NGRN: variants seen among roughly 807,000 people sequenced by gnomAD.
The protein encoded by NGRN is neugrin.
In NGRN, 12 loss-of-function variants were observed where a neutral mutation model predicts 13.1. The ratio of observed to expected loss-of-function variants is 0.92; its 90% confidence interval spans 0.59 to 1.49. The LOEUF (loss-of-function observed/expected upper bound fraction) is 1.49, where lower values mean the gene tolerates loss of function less well. NGRN is among the 40% of genes most tolerant of loss of function. NGRN has a pLI of 0.00. For synonymous variants in NGRN, 149 were observed against 145.8 expected, an observed-to-expected ratio of 1.02 and a Z score of -0.16; for missense variants, 397 against 357.0, an observed-to-expected ratio of 1.11 and a Z score of -0.90.
In NGRN at chr15:90,265,784, C is replaced by G. The variant is rs761339076; in HGVS notation, c.72C>G (p.Thr24=). 5 of 1,612,882 alleles carry G rather than the reference C, an allele frequency of 3.1e-6. No homozygotes were observed. Among genetic ancestry groups the G allele is most frequent in the Non-Finnish European group, 4.2e-6 (5 of 1,179,692 alleles). The change falls in exon 1 of 3, where the codon ACC becomes ACG. Residue 24 remains threonine (T), a synonymous_variant. Coordinates refer to ENST00000379095, the MANE Select transcript of NGRN (RefSeq NM_001033088.3). ...CAAVTRCGFA[T]RGVAGPGPIG... ...CCGTCACTCGCTGTGGGTTCGCGAC[C>G]CGGGGGGTGGCGGGCCCAGGCCCTA...
At position 90,266,416 on chromosome 15, in the gene NGRN, T is replaced by C; in HGVS notation, c.275+18T>C. 6.3e-7 allele frequency: 1 copy of C among 1,592,796 alleles called. No homozygotes were observed. On this transcript the variant is annotated intron_variant, in intron 2 of 2. Transcript: ENST00000379095. ...CAGATACGGTGAGACTCAGGATACC[T>C]TGTTTGTATCCGCTGTGATGAGAAG...
At chr15:90,265,941 G>C in intron 1 of NGRN, 65 bp downstream of exon 1, 1 of 1,431,212 alleles carries the variant, frequency 7.0e-7, no homozygotes, top group Non-Finnish European at 9.1e-7. Context: ...TCCAGGCCGC[G>C]CCCCCTTGGC....
Position 90,271,902 on chromosome 15 carries a change from TG to T in NGRN, c.*115del. 2 of 1,423,664 alleles carry T rather than the reference TG, an allele frequency of 1.4e-6. No individual in the cohort carries two copies. Among genetic ancestry groups the T allele is most frequent in the Non-Finnish European group, 1.9e-6 (2 of 1,052,168 alleles). The allele number at this position is 1,423,664 out of a possible 1,614,324, so 88.2% of individuals were successfully genotyped here. On this transcript the variant is annotated 3_prime_UTR_variant, in exon 3 of 3. Transcript: ENST00000379095. The stretch of plus-strand genomic sequence containing the variant: ...TAAGCCACCTTGGAATAGGAAGAGG[TG>T]TTGAGCCTGGACTGTGGGAGGAAAG...
chr15:90,272,014 G>T lies in NGRN; in HGVS notation c.*226G>T, dbSNP rs374364978. 1.1e-5 allele frequency: 6 copies of T among 546,010 alleles called. No homozygotes were observed. In the African/African-American group the frequency reaches 1.1e-4, roughly 10 times the overall value. 33.8% of individuals were successfully genotyped at this position (546,010 alleles called of 1,614,324 possible). On this transcript the variant is annotated 3_prime_UTR_variant, in exon 3 of 3. Coordinates refer to ENST00000379095, the MANE Select transcript of NGRN (RefSeq NM_001033088.3). ...TTCAGTACTCACTCTTCTTGCTTAG[G>T]CTCTCTGTGTGTTGAAAGCCATCCC...
intron 2 of NGRN, among the ~76,000 whole-genome samples, 162 bp downstream of exon 2, chr15:90,266,560 C>G (rs888946598): frequency 6.6e-6 from 1 of 152,148 alleles, no homozygotes; most frequent in African/African-American, 2.4e-5. Flanking sequence ...ACGAACTTCC[C>G]TAACCCTGTC....
intron 2 of NGRN, among the ~76,000 whole-genome samples, chr15:90,268,947 C>CCG (rs1491549536): frequency 0.12 from 460 of 3,804 alleles, 22 homozygotes; most frequent in Middle Eastern, 0.25. Context: ...CTTTCTCCCA[C>CCG]CCCCCCCCCC....
In NGRN at chr15:90,272,104, G is replaced by A. The variant is rs1312198489; in HGVS notation, c.*316G>A. On this transcript the variant is annotated 3_prime_UTR_variant, in exon 3 of 3. Coordinates refer to ENST00000379095, the MANE Select transcript of NGRN (RefSeq NM_001033088.3). ...ATTTATGTTTGAGAAGAAGTGAAAA[G>A]TTTGCCTTCTGACCTCATTTCCTTC... 6.4e-6 allele frequency: 2 copies of A among 312,014 alleles called. No individual in the cohort carries two copies. Among genetic ancestry groups the A allele is most frequent in the African/African-American group, 4.2e-5 (2 of 48,116 alleles). The allele number at this position is 312,014 out of a possible 1,614,324, so 19.3% of individuals were successfully genotyped here.
At chr15:90,265,932 C>T (rs1315233303) in intron 1 of NGRN, 56 bp downstream of exon 1, 2 of 1,433,024 alleles carry the variant, frequency 1.4e-6, no homozygotes, top group Admixed American at 3.1e-5. Flanking sequence ...CCCCGGCGCT[C>T]CAGGCCGCGC....
rs1463618607 is a variant in NGRN at position 90,271,295 on chromosome 15, C to A, written c.383C>A (p.Pro128His). 3.1e-6 allele frequency: 5 copies of A among 1,614,014 alleles called. No homozygotes were observed. The East Asian group carries it at 8.9e-5, about 29-fold the overall frequency. The change falls in exon 3 of 3, where the codon CCC (proline) becomes CAC (histidine). Residue 128 changes from proline to histidine, a missense_variant. Pro to His is a moderately conservative substitution (Grantham distance 77). Transcript: ENST00000379095. ...AGAGTTTTAAAAAGCAAGTTTTTAC[C>A]CACATTGGAGCAGAAGCTGAAGCAG... ...IRRVLKSKFL[P>H]TLEQKLKQDQ...
At chr15:90,268,884 C>G (rs1312907369) in intron 2 of NGRN, among the ~76,000 whole-genome samples, 4 of 149,860 alleles carry the variant, frequency 2.7e-5, no homozygotes, top group African/African-American at 9.8e-5. Flanking sequence ...CCTGCCTTGG[C>G]CTCCCAAAGT....
rs1402599988 is a variant in NGRN, at chr15:90,266,299, G to A, written c.176G>A (p.Arg59Gln). The part of the protein sequence containing the change: ...ELQEVESTLK[R>Q]QKQAIRFQKI... The stretch of plus-strand genomic sequence containing the variant: ...TTCTCTTCCCCCAGCACCCTGAAAC[G>A]ACAGAAACAAGCAATCCGATTCCAG... The change falls in exon 2 of 3, where the codon CGA becomes CAA. Residue 59 changes from arginine to glutamine, a missense_variant. By Grantham distance (43) the Arg-to-Gln change is conservative. Transcript: ENST00000379095. 1 of 1,613,420 alleles carries A rather than the reference G, an allele frequency of 6.2e-7. No individual in the cohort carries two copies. Among genetic ancestry groups the A allele is most frequent in the Admixed American group, 1.7e-5 (1 of 59,912 alleles).
At position 90,266,313 on chromosome 15, in the gene NGRN, A is replaced by G; in HGVS notation, c.190A>G (p.Ile64Val). 1 of 1,613,780 alleles carries G rather than the reference A, an allele frequency of 6.2e-7. No homozygotes were observed. Among genetic ancestry groups the G allele is most frequent in the Non-Finnish European group, 8.5e-7 (1 of 1,179,872 alleles). ...ESTLKRQKQA[I>V]RFQKIRRQME... ...CACCCTGAAACGACAGAAACAAGCAATCCGATTCCAGAAAATTCGGAGGCA... is the reference window on the plus strand; with the variant it reads ...CACCCTGAAACGACAGAAACAAGCAGTCCGATTCCAGAAAATTCGGAGGCA... The change falls in exon 2 of 3, where the codon ATC (isoleucine) becomes GTC (valine). Residue 64 changes from isoleucine to valine, a missense_variant. Physicochemically the swap from Ile to Val is conservative, Grantham distance 29. Coordinates refer to ENST00000379095, the MANE Select transcript of NGRN (RefSeq NM_001033088.3).
chr15:90,271,955 T>TGTGGTA lies in NGRN; in HGVS notation c.*171_*176dup, dbSNP rs1464400579. The TGTGGTA allele has an allele frequency of 2.3e-6, 2 of 858,320 alleles. No homozygotes were observed. The highest frequency in any genetic ancestry group is 1.8e-6 in the Non-Finnish European group (1 of 570,550). The allele number at this position is 858,320 out of a possible 1,614,324, so 53.2% of individuals were successfully genotyped here. Reference sequence around the variant, plus strand: ...GCTGCGTGGATAGATTCAAACTTCCTGTGGTAGTGCTCCCAGTCTGACCTC... The same window carrying TGTGGTA: ...GCTGCGTGGATAGATTCAAACTTCCTGTGGTAGTGGTAGTGCTCCCAGTCTGACCTC... On this transcript the variant is annotated 3_prime_UTR_variant, in exon 3 of 3. Transcript: ENST00000379095.
chr15:90,269,332 T>C (rs1172687272), intron 2 of NGRN, among the ~76,000 whole-genome samples: 1 of 151,834 alleles, frequency 6.6e-6, no homozygotes, highest in East Asian at 1.9e-4. Context: ...TTTTTATTTT[T>C]ATTATTTTAA....
chr15:90,269,296 G>A (rs1596201702), intron 2 of NGRN, among the ~76,000 whole-genome samples: 2 of 150,698 alleles, frequency 1.3e-5, no homozygotes, highest in South Asian at 4.2e-4. Flanking sequence ...GATTACAGGC[G>A]GGCGTGAGCC....
At chr15:90,270,986 G>A (rs571991751) in intron 2 of NGRN, among the ~76,000 whole-genome samples, 18 of 152,082 alleles carry the variant, frequency 1.2e-4, no homozygotes, top group African/African-American at 3.9e-4. Flanking sequence ...CAGCTACTTC[G>A]GAGGCTCAGG....
intron 2 of NGRN, among the ~76,000 whole-genome samples, chr15:90,269,375 AT>A (rs1963474521): frequency 6.6e-6 from 1 of 151,684 alleles, no homozygotes; most frequent in South Asian, 2.1e-4. Context: ...CATGTGCAGA[AT>A]GTGCAGGTTT....
At chr15:90,266,115 G>T in intron 1 of NGRN, 173 bp from the exon 2 acceptor site, 15 of 1,444,222 alleles carry the variant, frequency 1.0e-5, no homozygotes, top group Non-Finnish European at 1.4e-5. Context: ...GGCAGTTATT[G>T]TTCTAGGTGT....
At chr15:90,266,551 C>T (rs543513784) in intron 2 of NGRN, among the ~76,000 whole-genome samples, 153 bp downstream of exon 2, 84 of 152,238 alleles carry the variant, frequency 5.5e-4, no homozygotes, top group Admixed American at 2.2e-3. Flanking sequence ...AGTAATATAA[C>T]GAACTTCCCT....
Sources: allele counts gnomAD v4.1 joint callset (sites outside exome capture counted in the v4.1 genomes callset), GRCh38; gene constraint gnomAD v4.1.1; transcripts MANE v1.5; gene names NCBI Gene and HGNC (gene_info 2026-07-23, HGNC 2026-07-21).